The following CHD5 variants were observed in gnomAD, a reference collection of about 807,000 sequenced individuals.
CHD5 encodes ATP-dependent chromatin remodeler CHD5.
In CHD5, 69 loss-of-function variants were observed where a neutral mutation model predicts 230.3. The ratio of observed to expected loss-of-function variants is 0.30; its 90% CI spans 0.25 to 0.37. The LOEUF is 0.37. CHD5 is among the 10% of genes least tolerant of loss of function. The pLI is 1.00. For missense variants in CHD5, 1,827 were observed against 2,622.8 expected (o/e 0.70, Z 6.63); for synonymous variants, 1,064 against 1,065.9 (o/e 1.00, Z 0.03).
intron 1 of CHD5, among the ~76,000 whole-genome samples, chr1:6,169,395 C>T (rs757579455): frequency 1.3e-5 from 2 of 152,202 alleles, no homozygotes; most frequent in African/African-American, 2.4e-5. Context: ...GGGCCCTGGC[C>T]GGGCAGGCTC....
intron 2 of CHD5, among the ~76,000 whole-genome samples, chr1:6,162,334 C>T (rs576739603): frequency 1.3e-5 from 2 of 151,432 alleles, no homozygotes; most frequent in South Asian, 2.1e-4. Flanking sequence ...TGCAGTGAGC[C>T]GAGATCGCAC....
chr1:6,111,968 T>C, intron 35 of CHD5, 85 bp from the exon 36 acceptor site: 2 of 1,411,976 alleles, frequency 1.4e-6, no homozygotes, highest in Non-Finnish European at 2.0e-6. Context: ...CCCTCCCTAC[T>C]TGCCACTGCC....
intron 2 of CHD5, among the ~76,000 whole-genome samples, chr1:6,160,869 G>A (rs1014598620): frequency 2.4e-4 from 36 of 152,224 alleles, no homozygotes; most frequent in African/African-American, 8.0e-4. Flanking sequence ...GCTGCCCCTC[G>A]GAGAAAGTGG....
intron 34 of CHD5, 36 bp downstream of exon 34, chr1:6,112,873 T>G (rs768354762): frequency 6.6e-7 from 1 of 1,512,814 alleles, no homozygotes; most frequent in Non-Finnish European, 9.2e-7. Flanking sequence ...CAAGGGACCA[T>G]GGGGCACAGG....
intron 5 of CHD5, among the ~76,000 whole-genome samples, chr1:6,153,580 G>A (rs1296787095): frequency 6.6e-6 from 1 of 152,216 alleles, no homozygotes; most frequent in Non-Finnish European, 1.5e-5. Context: ...TGCAATCCCA[G>A]CACTTTGGGA....
Position 6,111,900 on chromosome 1 carries a change from G to C in CHD5, c.5141-17C>G. On this transcript the variant is annotated splice_polypyrimidine_tract_variant and intron_variant, in intron 35 of 41. Coordinates refer to ENST00000262450, the MANE Select transcript of CHD5 (RefSeq NM_015557.3). ...TGTGCAACTCTGGGAAACAAGCCAA[G>C]GTGAGCAGGGTGAGAAGTGCCCCAG... 6.2e-7 allele frequency: 1 copy of C among 1,607,232 alleles called. No homozygotes were observed. Among genetic ancestry groups the C allele is most frequent in the Non-Finnish European group, 8.5e-7 (1 of 1,174,968 alleles).
At chr1:6,119,502 A>ATGCAAATT (rs1666431749) in intron 33 of CHD5, among the ~76,000 whole-genome samples, 1 of 152,216 alleles carries the variant, frequency 6.6e-6, no homozygotes, top group Non-Finnish European at 1.5e-5. Flanking sequence ...CTGAACAAAT[A>ATGCAAATT]TGCACCTGAC....
chr1:6,127,559 C>T (rs1026942243), intron 25 of CHD5, among the ~76,000 whole-genome samples: 2 of 151,654 alleles, frequency 1.3e-5, no homozygotes, highest in African/African-American at 4.8e-5. Flanking sequence ...GAGATGCAGG[C>T]CCTGAGGAAG....
At chr1:6,117,104 G>A (rs1016865580) in intron 33 of CHD5, among the ~76,000 whole-genome samples, 15 of 151,962 alleles carry the variant, frequency 9.9e-5, no homozygotes, top group Non-Finnish European at 1.8e-4. Context: ...GGGAAAAGAG[G>A]AGATATAAAG....
chr1:6,170,126 C>T (rs185743122), intron 1 of CHD5, among the ~76,000 whole-genome samples: 1 of 152,208 alleles, frequency 6.6e-6, no homozygotes, highest in Admixed American at 6.5e-5. Flanking sequence ...AGTGTTGGAG[C>T]CAGGTTCGAA....
Position 6,106,344 on chromosome 1 carries a change from G to A in CHD5, c.5857+51C>T, listed in dbSNP as rs769912363. ...TGACGTTGGCAGCAGCAGGCAGGCC[G>A]GGCCCGGCGGGCACCCGTGTGCATG... On this transcript the variant is annotated intron_variant, in intron 40 of 41. Transcript: ENST00000262450. The A allele has an allele frequency of 1.6e-5, 25 of 1,611,498 alleles. 1 individual carries two copies. The South Asian group carries it at 1.6e-4, about 11-fold the overall frequency.
chr1:6,136,374 C>T (rs1158185700), intron 17 of CHD5, 143 bp downstream of exon 17: 15 of 949,346 alleles, frequency 1.6e-5, no homozygotes, highest in Admixed American at 8.7e-5. Context: ...GAGGTCAAAG[C>T]GGGGACATTG....
chr1:6,106,597 C>A lies in CHD5; in HGVS notation c.5742+19G>T. 6.4e-7 allele frequency: 1 copy of A among 1,555,652 alleles called. No homozygotes were observed. On this transcript the variant is annotated intron_variant, in intron 39 of 41. Coordinates refer to ENST00000262450, the MANE Select transcript of CHD5 (RefSeq NM_015557.3). Reference sequence around the variant, plus strand: ...GCACGCCAGGGGGCTCGGGCCGGGGCACACAGGCCGAGCCTGACCTGCTGG... The same window carrying A: ...GCACGCCAGGGGGCTCGGGCCGGGGAACACAGGCCGAGCCTGACCTGCTGG...
chr1:6,164,575 C>T (rs1399540270), intron 2 of CHD5, among the ~76,000 whole-genome samples: 1 of 152,208 alleles, frequency 6.6e-6, no homozygotes, highest in Admixed American at 6.5e-5. Flanking sequence ...CCCCTTCACC[C>T]CGTCATCTTG....
rs759234296 is a variant in CHD5 at position 6,106,738 on chromosome 1, C to T, written c.5620G>A (p.Asp1874Asn). The T allele has an allele frequency of 5.0e-6, 8 of 1,611,750 alleles. No individual in the cohort carries two copies. The highest frequency in any genetic ancestry group is 6.8e-6 in the Non-Finnish European group (8 of 1,179,716). Residue 1874 changes from aspartate (D) to asparagine (N), a missense_variant, in exon 39 of 42, where the codon GAC becomes AAC. Around this residue, in one of 14 missense-constraint regions of CHD5, gnomAD observed 208 missense variants for 302.0 expected, o/e 0.69. Coordinates refer to ENST00000262450, the MANE Select transcript of CHD5 (RefSeq NM_015557.3). ...LEELLSDMKA[D>N]VTRLPSMLSR... is the part of the protein sequence containing the mutation. ...AGCATGGATGGCAGCCGGGTCACGT[C>T]GGCCTTCATGTCGCTCAGCAGCTCC...
intron 15 of CHD5, among the ~76,000 whole-genome samples, chr1:6,138,418 T>C (rs1422330564): frequency 6.6e-6 from 1 of 151,900 alleles, no homozygotes; most frequent in African/African-American, 2.4e-5. Flanking sequence ...CCTTGGCATG[T>C]TGACAGAGAC....
chr1:6,108,656 G>A lies in CHD5; in HGVS notation c.5578+1139C>T, dbSNP rs1418650794. 4.0e-5 allele frequency among the ~76,000 whole-genome samples: 6 copies of A among 149,190 alleles called. No individual in the cohort carries two copies. In the East Asian group the frequency reaches 1.2e-3, roughly 30 times the overall value. On this transcript the variant is annotated intron_variant, in intron 38 of 41. Transcript: ENST00000262450. ...GATGGAGTGGAAGGACAGAGGCATG[G>A]AGGGATAATGGAAGGATGGAAGGAT... is the stretch of plus-strand genomic sequence containing the variant.
chr1:6,153,774 T>A (rs1051687196), intron 5 of CHD5, among the ~76,000 whole-genome samples: 23 of 152,130 alleles, frequency 1.5e-4, no homozygotes, highest in Non-Finnish European at 3.1e-4. Context: ...GAGGTTGCAG[T>A]GTGCAGAGAT....
Position 6,149,252 on chromosome 1 carries a change from G to C in CHD5, c.1155C>G (p.Pro385=), listed in dbSNP as rs764049825. ...EKAPEGKWSC[P]HCEKEGIQWE... ...GGGCTCTGCCAAGGCTTACACAGTG[G>C]GGGCAGCTCCACTTGCCCTCGGGAG... Residue 385 remains proline, a synonymous_variant, in exon 8 of 42, where the codon CCC becomes CCG. Transcript: ENST00000262450. 3 of 1,604,014 alleles carry C rather than the reference G, an allele frequency of 1.9e-6. No homozygotes were observed. Among genetic ancestry groups the C allele is most frequent in the South Asian group, 1.1e-5 (1 of 89,942 alleles).
Sources: allele counts gnomAD v4.1 joint callset (sites outside exome capture counted in the v4.1 genomes callset), GRCh38; gene constraint gnomAD v4.1.1; regional missense constraint gnomAD v4.1.1; transcripts MANE v1.5; gene names NCBI Gene and HGNC (gene_info 2026-07-23, HGNC 2026-07-21).